Variants in MOXD1 observed in about 807,000 individuals in gnomAD.
The protein encoded by MOXD1 is monooxygenase DBH like 1.
In MOXD1, 62 loss-of-function variants were observed where a neutral mutation model predicts 66.6. That is an observed-to-expected ratio of 0.93 (90% CI 0.76 to 1.15). The LOEUF is 1.15. Among genes scored for constraint, MOXD1 ranks in the 50% most tolerant of loss-of-function variants. MOXD1 has a pLI of 0.00. For synonymous variants in MOXD1, 303 were observed against 281.9 expected, an observed-to-expected ratio of 1.07 and a Z score of -0.75; for missense variants, 847 against 754.6, an observed-to-expected ratio of 1.12 and a Z score of -1.44.
chr6:132,333,261 G>A (rs557195303), intron 4 of MOXD1, among the ~76,000 whole-genome samples: 41 of 151,054 alleles, frequency 2.7e-4, no homozygotes, highest in Admixed American at 8.6e-4. Context: ...GCGTGAACCC[G>A]GGAGGCAGAG....
At chr6:132,300,848 A>G (rs940505828) in intron 10 of MOXD1, among the ~76,000 whole-genome samples, 8 of 152,086 alleles carry the variant, frequency 5.3e-5, no homozygotes, top group African/African-American at 1.4e-4. Context: ...CATATTTATC[A>G]TCTCCTTTCC....
chr6:132,356,728 G>T (rs997580465), intron 4 of MOXD1, among the ~76,000 whole-genome samples: 1 of 151,970 alleles, frequency 6.6e-6, no homozygotes, highest in African/African-American at 2.4e-5. Context: ...GTAATGATGA[G>T]GGCATTAATT....
At position 132,305,271 on chromosome 6, in the gene MOXD1, G is replaced by A. The variant is rs9375871; in HGVS notation, c.1509-7316C>T. On this transcript the variant is annotated intron_variant, in intron 10 of 11. Coordinates refer to ENST00000367963, the MANE Select transcript of MOXD1 (RefSeq NM_015529.4). ...AGTCTTCCACCAGAATGCCTCTTCA[G>A]GCTTGACCCTGACCCATCCTTCCTC... 0.024 allele frequency among the ~76,000 whole-genome samples: 3,660 copies of A among 152,302 alleles called. 342 individuals carry two copies. The East Asian group carries it at 0.33, about 14-fold the overall frequency.
intron 10 of MOXD1, among the ~76,000 whole-genome samples, chr6:132,310,729 A>G (rs769592288): frequency 4.3e-4 from 65 of 152,128 alleles, no homozygotes; most frequent in Non-Finnish European, 8.5e-4. Context: ...CAATGTCCTC[A>G]GTGAACTGAC....
intron 4 of MOXD1, among the ~76,000 whole-genome samples, chr6:132,336,923 C>T (rs1270661922): frequency 1.3e-5 from 2 of 152,018 alleles, no homozygotes; most frequent in Admixed American, 6.6e-5. Context: ...TTTCAAACGA[C>T]GAAAAAGAAT....
At chr6:132,340,432 C>T (rs1184824921) in intron 4 of MOXD1, among the ~76,000 whole-genome samples, 1 of 142,206 alleles carries the variant, frequency 7.0e-6, no homozygotes, top group Non-Finnish European at 1.5e-5. Context: ...TGGCAGCAAG[C>T]AACACTTTCT....
rs182027323 is a variant in MOXD1, at chr6:132,378,686, C to T, written c.265-3909G>A. Among the ~76,000 whole-genome samples the T allele has an allele frequency of 2.6e-4, 40 of 152,060 alleles. No homozygotes were observed. The East Asian group carries it at 7.3e-3, about 28-fold the overall frequency. On this transcript the variant is annotated intron_variant, in intron 1 of 11. Transcript: ENST00000367963. ...AACAAAGTCCTTACAAGACAAAAAC[C>T]AGCCAAAGTCATTCAGAAAAACAGA...
At chr6:132,333,150 C>T (rs1416303911) in intron 4 of MOXD1, among the ~76,000 whole-genome samples, 1 of 151,982 alleles carries the variant, frequency 6.6e-6, no homozygotes, top group Non-Finnish European at 1.5e-5. Context: ...TCCTGGCTAA[C>T]AAGGTGAAAC....
Position 132,297,838 on chromosome 6 carries a change from G to A in MOXD1, c.1626C>T (p.Leu542=). ...KEGLSFNKLV[L]SLPVNVRCSK... is the part of the protein sequence containing the mutation. Reference sequence around the variant, plus strand: ...AACATCTCACATTCACTGGCAGGCTGAGGACCAGCTTGTTGAAGGAGAGAC... The same window carrying A: ...AACATCTCACATTCACTGGCAGGCTAAGGACCAGCTTGTTGAAGGAGAGAC... The change falls in exon 11 of 12, where the codon CTC becomes CTT. Residue 542 remains leucine, a synonymous_variant. Transcript: ENST00000367963. 1 of 1,613,246 alleles carries A rather than the reference G, an allele frequency of 6.2e-7. No homozygotes were observed. Among genetic ancestry groups the A allele is most frequent in the African/African-American group, 1.3e-5 (1 of 74,984 alleles).
intron 4 of MOXD1, among the ~76,000 whole-genome samples, chr6:132,331,648 T>A (rs948733546): frequency 6.6e-6 from 1 of 152,172 alleles, no homozygotes; most frequent in African/African-American, 2.4e-5. Context: ...ATTTAATATT[T>A]ACAACAAATC....
At chr6:132,310,396 C>T (rs988700699) in intron 10 of MOXD1, among the ~76,000 whole-genome samples, 7 of 152,054 alleles carry the variant, frequency 4.6e-5, no homozygotes, top group African/African-American at 1.2e-4. Context: ...CACTGTTGGT[C>T]GGAATGTAAA....
At chr6:132,317,092 T>G (rs1774976056) in intron 9 of MOXD1, among the ~76,000 whole-genome samples, 1 of 152,102 alleles carries the variant, frequency 6.6e-6, no homozygotes, top group Non-Finnish European at 1.5e-5. Flanking sequence ...CAGCTGACAT[T>G]TCATCATAAA....
intron 4 of MOXD1, among the ~76,000 whole-genome samples, chr6:132,359,381 C>A (rs1212917992): frequency 6.6e-6 from 1 of 151,980 alleles, no homozygotes; most frequent in Non-Finnish European, 1.5e-5. Context: ...CCTAGCTTCA[C>A]TTTAAAGAAC....
At chr6:132,297,548 C>T (rs1306363203) in intron 11 of MOXD1, among the ~76,000 whole-genome samples, 1 of 152,140 alleles carries the variant, frequency 6.6e-6, no homozygotes, top group Non-Finnish European at 1.5e-5. Flanking sequence ...TTTTGCAGCA[C>T]TCATTCCGGC....
At chr6:132,307,602 C>G (rs778029482) in intron 10 of MOXD1, among the ~76,000 whole-genome samples, 2 of 152,100 alleles carry the variant, frequency 1.3e-5, no homozygotes, top group Non-Finnish European at 2.9e-5. Flanking sequence ...ATTCTAAAAT[C>G]GACCACATAA....
At chr6:132,370,615 TAAC>T (rs991650397) in intron 4 of MOXD1, among the ~76,000 whole-genome samples, 1 of 152,122 alleles carries the variant, frequency 6.6e-6, no homozygotes, top group African/African-American at 2.4e-5. Context: ...CTGTCCCCTG[TAAC>T]AACAAAAGTT....
At chr6:132,398,177 C>G (rs770274693) in intron 1 of MOXD1, among the ~76,000 whole-genome samples, 2 of 152,108 alleles carry the variant, frequency 1.3e-5, no homozygotes, top group East Asian at 1.9e-4. Context: ...GCTTGTTTCA[C>G]TTAAGTTAAT....
chr6:132,298,071 C>G, intron 10 of MOXD1, 116 bp from the exon 11 acceptor site: 1 of 795,472 alleles, frequency 1.3e-6, no homozygotes. Context: ...ACATAGATAA[C>G]CTAATGCAAA....
At chr6:132,336,136 T>C (rs1775430331) in intron 4 of MOXD1, among the ~76,000 whole-genome samples, 1 of 152,104 alleles carries the variant, frequency 6.6e-6, no homozygotes, top group African/African-American at 2.4e-5. Flanking sequence ...CAAAAACAAC[T>C]TGCAACTCGA....
Sources: gnomAD v4.1 joint callset for allele counts (sites outside exome capture counted in the v4.1 genomes callset) on GRCh38, gnomAD v4.1.1 for gene constraint, MANE v1.5 for transcripts, NCBI Gene and HGNC (gene_info 2026-07-23, HGNC 2026-07-21) for gene names.